The following ITPRID1 variants were observed in gnomAD, a reference collection of about 807,000 sequenced individuals.
The protein encoded by ITPRID1 is protein ITPRID1.
In ITPRID1, 96 loss-of-function variants were observed where a neutral mutation model predicts 95.4. The observed-to-expected ratio is 1.01, with a 90% CI of 0.85 to 1.19. The LOEUF (loss-of-function observed/expected upper bound fraction) is 1.19. ITPRID1 is among the 50% of genes most tolerant of loss of function. The pLI, the probability that ITPRID1 is intolerant of heterozygous loss-of-function variation, is 0.00. For missense variants in ITPRID1, 1,339 were observed against 1,252.9 expected, an observed-to-expected ratio of 1.07 and a Z score of -1.04; for synonymous variants, 510 against 453.6, an observed-to-expected ratio of 1.12 and a Z score of -1.58.
chr7:31,643,929 C>T lies in ITPRID1; in HGVS notation c.2559C>T (p.Asp853=). Reference sequence around the variant, plus strand: ...TGACGACTTTGAAAGCCCTTCAGGACACTACAGTGAGGGAGCTATGTTCCG... The same window carrying T: ...TGACGACTTTGAAAGCCCTTCAGGATACTACAGTGAGGGAGCTATGTTCCG... ...QFMTTLKALQ[D]TTVRELCSCT... Residue 853 remains aspartate, a synonymous_variant, in exon 12 of 15, where the codon GAC becomes GAT. Coordinates refer to ENST00000615280, the MANE Select transcript of ITPRID1 (RefSeq NM_001257967.3). 1.9e-6 allele frequency: 3 copies of T among 1,612,904 alleles called. No individual in the cohort carries two copies. The highest frequency in any genetic ancestry group is 1.7e-5 in the Admixed American group (1 of 59,976).
At chr7:31,639,726 C>T (rs1003418234) in intron 10 of ITPRID1, among the ~76,000 whole-genome samples, 8 of 151,682 alleles carry the variant, frequency 5.3e-5, no homozygotes, top group South Asian at 2.1e-4. Flanking sequence ...TTAGTAGAGA[C>T]GGGGTTTCAC....
chr7:31,584,237 T>G (rs541099364), intron 10 of ITPRID1, among the ~76,000 whole-genome samples: 1 of 152,348 alleles, frequency 6.6e-6, no homozygotes, highest in East Asian at 1.9e-4. Context: ...TTTAGTGCTG[T>G]GTCAAACACA....
chr7:31,628,506 G>A (rs1377103464), intron 10 of ITPRID1, among the ~76,000 whole-genome samples: 5 of 150,018 alleles, frequency 3.3e-5, no homozygotes, highest in Admixed American at 1.3e-4. Context: ...CACTCGGGAT[G>A]GAGTACAGTG....
chr7:31,521,616 TTCCCTCCTTCCTTCCTTCCTTCCTTCC>T lies in ITPRID1; in HGVS notation c.-98+7498_-98+7524del, dbSNP rs751980583. Among the ~76,000 whole-genome samples the T allele has an allele frequency of 4.3e-3, 363 of 83,610 alleles. 6 individuals carry two copies. Among genetic ancestry groups the T allele is most frequent in the Middle Eastern group, 0.015 (3 of 202 alleles). The allele number at this position is 83,610 out of a possible 152,430, so 54.9% of individuals were successfully genotyped here. ...TTCAGTTTGTCCAGCTTTTTCTCCT[TTCCCTCCTTCCTTCCTTCCTTCCTTCC>T]TTCCTTCCTTCCTTCCTTCCTTCCT... On this transcript the variant is annotated intron_variant, in intron 1 of 14. Transcript: ENST00000615280.
At chr7:31,617,834 G>A (rs1424746860) in intron 10 of ITPRID1, among the ~76,000 whole-genome samples, 1 of 152,128 alleles carries the variant, frequency 6.6e-6, no homozygotes, top group Non-Finnish European at 1.5e-5. Context: ...TTAAGTTTCA[G>A]AAGAAAACAT....
At chr7:31,530,990 T>C (rs1239428355) in intron 1 of ITPRID1, among the ~76,000 whole-genome samples, 1 of 152,250 alleles carries the variant, frequency 6.6e-6, no homozygotes, top group African/African-American at 2.4e-5. Flanking sequence ...CTGGGAGATA[T>C]TGATACTTTG....
intron 10 of ITPRID1, among the ~76,000 whole-genome samples, chr7:31,638,409 A>ATCTC (rs1361292572): frequency 4.6e-5 from 7 of 152,318 alleles, no homozygotes; most frequent in African/African-American, 9.6e-5. Context: ...TTAAAGGAAA[A>ATCTC]TCAGGCAGCA....
rs371990421 is a variant in ITPRID1, at chr7:31,550,678, G to T, written c.-24+1179G>T. Among the ~76,000 whole-genome samples, 4 of 151,436 alleles carry T rather than the reference G, an allele frequency of 2.6e-5. No individual in the cohort carries two copies. The East Asian group carries it at 7.9e-4, about 30-fold the overall frequency. On this transcript the variant is annotated intron_variant, in intron 2 of 14. Coordinates refer to ENST00000615280, the MANE Select transcript of ITPRID1 (RefSeq NM_001257967.3). ...GGGGAACAAAAGAGGTTTTCTTTATGAACTGGTCCCTGACCCTTGCTTTTA... is the reference window on the plus strand; with the variant it reads ...GGGGAACAAAAGAGGTTTTCTTTATTAACTGGTCCCTGACCCTTGCTTTTA...
chr7:31,520,362 C>G (rs187540298), intron 1 of ITPRID1, among the ~76,000 whole-genome samples: 1 of 152,230 alleles, frequency 6.6e-6, no homozygotes, highest in African/African-American at 2.4e-5. Flanking sequence ...AAGAAAGTCA[C>G]TATGCACATC....
intron 10 of ITPRID1, among the ~76,000 whole-genome samples, chr7:31,602,501 T>TTA (rs1786436892): frequency 6.6e-6 from 1 of 152,208 alleles, no homozygotes; most frequent in Non-Finnish European, 1.5e-5. Flanking sequence ...TAATGAAGCT[T>TTA]TATTCACTGT....
intron 10 of ITPRID1, among the ~76,000 whole-genome samples, chr7:31,598,617 A>G (rs1171650203): frequency 1.3e-5 from 2 of 151,860 alleles, no homozygotes; most frequent in South Asian, 2.1e-4. Flanking sequence ...GTTAGCCAGG[A>G]TGGTCTCTAT....
At chr7:31,597,563 T>G (rs1180190956) in intron 10 of ITPRID1, among the ~76,000 whole-genome samples, 1 of 151,730 alleles carries the variant, frequency 6.6e-6, no homozygotes, top group Non-Finnish European at 1.5e-5. Flanking sequence ...TAAGAGCACC[T>G]TATATTTATA....
chr7:31,642,086 T>C, intron 10 of ITPRID1, 90 bp from the exon 11 acceptor site: 1 of 757,216 alleles, frequency 1.3e-6, no homozygotes. Flanking sequence ...GCAGGATCCA[T>C]GGTGTGTCAG....
At chr7:31,586,371 G>A (rs1424488659) in intron 10 of ITPRID1, among the ~76,000 whole-genome samples, 2 of 151,188 alleles carry the variant, frequency 1.3e-5, no homozygotes, top group African/African-American at 4.9e-5. Context: ...GGGATGGCTG[G>A]GTCAAATGGT....
Position 31,655,555 on chromosome 7 carries a change from C to T in ITPRID1, c.*2726C>T, listed in dbSNP as rs899927349. ...AAGCCAGAGAATGAGAGAGAAATCA[C>T]AGGATCATACTTCCCAGAGCAGCCT... On this transcript the variant is annotated 3_prime_UTR_variant, in exon 15 of 15. Transcript: ENST00000615280. 2.0e-5 allele frequency among the ~76,000 whole-genome samples: 3 copies of T among 152,186 alleles called. No individual in the cohort carries two copies. Among genetic ancestry groups the T allele is most frequent in the African/African-American group, 7.2e-5 (3 of 41,440 alleles).
chr7:31,580,472 C>T (rs1169618378), intron 9 of ITPRID1, among the ~76,000 whole-genome samples: 2 of 151,912 alleles, frequency 1.3e-5, no homozygotes, highest in African/African-American at 4.8e-5. Context: ...AGTAAGCCAT[C>T]GAAATGTCAG....
intron 10 of ITPRID1, among the ~76,000 whole-genome samples, chr7:31,637,200 T>A (rs1365258721): frequency 6.6e-6 from 1 of 152,082 alleles, no homozygotes; most frequent in African/African-American, 2.4e-5. Flanking sequence ...TAAACATACG[T>A]GTGCATGTGT....
intron 7 of ITPRID1, among the ~76,000 whole-genome samples, chr7:31,572,854 C>G (rs1407160017): frequency 6.6e-6 from 1 of 152,138 alleles, no homozygotes; most frequent in Non-Finnish European, 1.5e-5. Flanking sequence ...AAAGCAGGAA[C>G]TGTGTTCATT....
At chr7:31,609,343 C>T (rs1394103371) in intron 10 of ITPRID1, among the ~76,000 whole-genome samples, 1 of 151,606 alleles carries the variant, frequency 6.6e-6, no homozygotes, top group African/African-American at 2.4e-5. Context: ...GATGTGTCCT[C>T]TCTCTTATAT....
Sources: allele counts gnomAD v4.1 joint callset (sites outside exome capture counted in the v4.1 genomes callset), GRCh38; gene constraint gnomAD v4.1.1; transcripts MANE v1.5; gene names NCBI Gene and HGNC (gene_info 2026-07-23, HGNC 2026-07-21).